CAST: variants seen among roughly 807,000 people sequenced by gnomAD.
The protein encoded by CAST is MIR583 host.
A neutral mutation model predicts 119.6 loss-of-function variants in CAST; 76 were observed. The observed-to-expected ratio is 0.64, with a 90% CI of 0.53 to 0.77. The LOEUF (loss-of-function observed/expected upper bound fraction) is 0.77, where lower values mean the gene tolerates loss of function less well. Ranked by LOEUF, CAST falls within the 30% of genes least tolerant of loss-of-function variation. The probability of loss-of-function intolerance (pLI) is 0.00; values close to 1 mark genes in which losing one functional copy is unlikely to be tolerated. For synonymous variants in CAST, 319 were observed against 331.6 expected, an observed-to-expected ratio of 0.96 and a Z score of 0.41; for missense variants, 953 against 946.5, an observed-to-expected ratio of 1.01 and a Z score of -0.09.
At chr5:96,387,119 A>G in the CAST span, among the ~76,000 whole-genome samples, 16 of 152,242 alleles carry the variant, frequency 1.1e-4, no homozygotes, top group African/African-American at 3.6e-4. Flanking sequence ...AACCCGCTCA[A>G]TGGCACATAG....
chr5:96,453,168 T>G, the CAST span, among the ~76,000 whole-genome samples: 1 of 152,192 alleles, frequency 6.6e-6, no homozygotes, highest in Non-Finnish European at 1.5e-5. Flanking sequence ...GTCATGTTTC[T>G]GAGTCTCAAA....
At chr5:96,264,226 G>T in the CAST span, among the ~76,000 whole-genome samples, 2 of 152,100 alleles carry the variant, frequency 1.3e-5, no homozygotes, top group Non-Finnish European at 2.9e-5. Context: ...GAGTCTTAGC[G>T]CAATATTCAC....
At chr5:96,548,152 C>T (rs1172718789) in intron 1 of CAST, among the ~76,000 whole-genome samples, 11 of 152,048 alleles carry the variant, frequency 7.2e-5, no homozygotes, top group Admixed American at 3.3e-4. Flanking sequence ...TCTTTTTCTC[C>T]GGTACAAAAT....
intron 3 of CAST, among the ~76,000 whole-genome samples, chr5:96,699,471 C>A (rs928884191): frequency 3.3e-5 from 5 of 152,222 alleles, no homozygotes; most frequent in African/African-American, 1.2e-4. Context: ...AGTACTAATG[C>A]ACAGTAACAC....
At chr5:96,279,550 A>T in the CAST span, among the ~76,000 whole-genome samples, 125 of 152,284 alleles carry the variant, frequency 8.2e-4, no homozygotes, top group African/African-American at 2.9e-3. Flanking sequence ...CAAACAACGT[A>T]TTTTTTAATT....
the CAST span, among the ~76,000 whole-genome samples, chr5:96,350,867 A>C: frequency 6.6e-6 from 1 of 152,072 alleles, no homozygotes; most frequent in South Asian, 2.1e-4. Flanking sequence ...CACAATCACA[A>C]CTGGAACTGA....
chr5:96,013,509 T>C, the CAST span, among the ~76,000 whole-genome samples: 1 of 152,086 alleles, frequency 6.6e-6, no homozygotes, highest in African/African-American at 2.4e-5. Flanking sequence ...CTGGGTTTGT[T>C]TTCTATCTTT....
At chr5:96,596,624 A>G (rs1184742907) in intron 1 of CAST, among the ~76,000 whole-genome samples, 1 of 152,200 alleles carries the variant, frequency 6.6e-6, no homozygotes, top group Non-Finnish European at 1.5e-5. Flanking sequence ...TGAAAAACAA[A>G]TGTAGCCAAG....
At chr5:96,119,630 T>C in the CAST span, among the ~76,000 whole-genome samples, 1 of 152,168 alleles carries the variant, frequency 6.6e-6, no homozygotes, top group African/African-American at 2.4e-5. Context: ...AAAGAAACTA[T>C]CTAAAGAAAG....
chr5:96,443,321 C>A, the CAST span, among the ~76,000 whole-genome samples: 1 of 152,180 alleles, frequency 6.6e-6, no homozygotes, highest in Admixed American at 6.5e-5. Context: ...GACGCAGGAT[C>A]ATTATTCTTA....
the CAST span, among the ~76,000 whole-genome samples, chr5:96,008,295 T>C: frequency 6.6e-6 from 1 of 152,222 alleles, no homozygotes; most frequent in African/African-American, 2.4e-5. Context: ...TTTATATCTA[T>C]CACCTGTTCA....
At chr5:96,132,669 C>T in the CAST span, among the ~76,000 whole-genome samples, 1 of 152,096 alleles carries the variant, frequency 6.6e-6, no homozygotes, top group Non-Finnish European at 1.5e-5. Context: ...AATGGCTCAT[C>T]TTTAATTTGA....
At chr5:96,468,554 C>A in the CAST span, among the ~76,000 whole-genome samples, 1 of 152,012 alleles carries the variant, frequency 6.6e-6, no homozygotes, top group South Asian at 2.1e-4. Context: ...AAGATTATAA[C>A]CCAGGTAGAG....
chr5:96,436,336 A>G, the CAST span, among the ~76,000 whole-genome samples: 164 of 152,264 alleles, frequency 1.1e-3, no homozygotes, highest in Admixed American at 4.0e-3. Flanking sequence ...GATTCATAAC[A>G]TTTTCTTTAC....
At chr5:96,158,806 A>AT in the CAST span, among the ~76,000 whole-genome samples, 1 of 152,230 alleles carries the variant, frequency 6.6e-6, no homozygotes, top group East Asian at 1.9e-4. Context: ...CATGAAAATG[A>AT]TTGCCAGCAC....
At chr5:96,433,046 T>A in the CAST span, 1 of 1,613,772 alleles carries the variant, frequency 6.2e-7, no homozygotes, top group South Asian at 1.1e-5. Flanking sequence ...GCTCCATAGC[T>A]CACACACTCG....
the CAST span, among the ~76,000 whole-genome samples, chr5:96,230,258 C>G: frequency 6.6e-6 from 1 of 152,140 alleles, no homozygotes; most frequent in Admixed American, 6.6e-5. Flanking sequence ...GGCAGAGGCA[C>G]AAAGTCTTCC....
At chr5:96,712,663 C>T (rs1756408961) in intron 3 of CAST, among the ~76,000 whole-genome samples, 1 of 152,220 alleles carries the variant, frequency 6.6e-6, no homozygotes, top group Admixed American at 6.5e-5. Flanking sequence ...ATTGATACAA[C>T]ACTGCCTCTT....
the CAST span, among the ~76,000 whole-genome samples, chr5:96,328,339 A>C: frequency 6.6e-6 from 1 of 150,798 alleles, no homozygotes; most frequent in Non-Finnish European, 1.5e-5. Flanking sequence ...AAGCATTAAC[A>C]ATGAATTTAG....
Sources: allele counts gnomAD v4.1 joint callset (sites outside exome capture counted in the v4.1 genomes callset), GRCh38; gene constraint gnomAD v4.1.1; transcripts MANE v1.5; gene names NCBI Gene and HGNC (gene_info 2026-07-23, HGNC 2026-07-21).